TAF3: variants seen among roughly 807,000 people sequenced by gnomAD.
The protein encoded by TAF3 is TATA-box binding protein associated factor 3.
In TAF3, 7 loss-of-function variants were observed where a neutral mutation model predicts 80.6. The ratio of observed to expected loss-of-function variants is 0.09; its 90% CI spans 0.05 to 0.16. The LOEUF (loss-of-function observed/expected upper bound fraction) is 0.16, where lower values mean the gene tolerates loss of function less well. Ranked by LOEUF, TAF3 falls within the 10% of genes least tolerant of loss-of-function variation. The pLI is 1.00. For missense variants in TAF3, 921 were observed against 1,140.2 expected (o/e 0.81, Z 2.77); for synonymous variants, 444 against 446.1 (o/e 1.00, Z 0.06).
intron 4 of TAF3, among the ~76,000 whole-genome samples, chr10:7,991,601 T>TA (rs1272702870): frequency 3.9e-5 from 6 of 152,156 alleles, no homozygotes; most frequent in African/African-American, 1.4e-4. Flanking sequence ...TTTATACACA[T>TA]ACACACATGC....
At chr10:7,908,615 A>G (rs532687937) in intron 2 of TAF3, among the ~76,000 whole-genome samples, 1 of 152,370 alleles carries the variant, frequency 6.6e-6, no homozygotes, top group Non-Finnish European at 1.5e-5. Flanking sequence ...GAAGGAAAGT[A>G]GCACAGAGCT....
At chr10:7,922,408 C>G (rs1411880573) in intron 2 of TAF3, among the ~76,000 whole-genome samples, 1 of 152,064 alleles carries the variant, frequency 6.6e-6, no homozygotes, top group African/African-American at 2.4e-5. Flanking sequence ...TCCTCAATTT[C>G]TCCAAGCCTC....
At chr10:7,892,607 A>G (rs868782522) in intron 2 of TAF3, among the ~76,000 whole-genome samples, 1 of 152,344 alleles carries the variant, frequency 6.6e-6, no homozygotes, top group South Asian at 2.1e-4. Flanking sequence ...AAATTATAAA[A>G]TGAAAATATT....
At chr10:7,981,210 G>A (rs1831722514) in intron 4 of TAF3, among the ~76,000 whole-genome samples, 1 of 152,182 alleles carries the variant, frequency 6.6e-6, no homozygotes, top group African/African-American at 2.4e-5. Context: ...TTTCTCAAAC[G>A]TCTCTTTTGC....
chr10:7,841,630 T>C (rs1173075921), intron 2 of TAF3, among the ~76,000 whole-genome samples: 1 of 116,014 alleles, frequency 8.6e-6, no homozygotes, highest in Non-Finnish European at 1.8e-5. Flanking sequence ...TGATAAAGCT[T>C]GTGGTAGTCA....
chr10:7,993,128 G>A (rs1322973715), intron 4 of TAF3, among the ~76,000 whole-genome samples: 1 of 152,050 alleles, frequency 6.6e-6, no homozygotes, highest in Non-Finnish European at 1.5e-5. Flanking sequence ...ATCTCATAAG[G>A]ACTTGTAATC....
intron 2 of TAF3, among the ~76,000 whole-genome samples, chr10:7,864,754 G>C (rs946569263): frequency 6.6e-6 from 1 of 151,524 alleles, no homozygotes; most frequent in Non-Finnish European, 1.5e-5. Flanking sequence ...CCTGTGGTTT[G>C]CTTTTTCATT....
intron 2 of TAF3, among the ~76,000 whole-genome samples, chr10:7,918,823 A>G (rs1326272302): frequency 6.6e-6 from 1 of 152,202 alleles, no homozygotes; most frequent in Non-Finnish European, 1.5e-5. Flanking sequence ...AGGAAGAGGC[A>G]TAACCCTTTC....
intron 2 of TAF3, among the ~76,000 whole-genome samples, chr10:7,837,981 A>C (rs1026601145): frequency 5.3e-5 from 8 of 152,262 alleles, no homozygotes; most frequent in African/African-American, 1.9e-4. Flanking sequence ...CCATCAAATA[A>C]TTTATCCTTG....
At chr10:7,900,536 A>G (rs1265422173) in intron 2 of TAF3, among the ~76,000 whole-genome samples, 1 of 152,250 alleles carries the variant, frequency 6.6e-6, no homozygotes, top group Non-Finnish European at 1.5e-5. Flanking sequence ...CAAGAAAACA[A>G]GCACACACCA....
intron 2 of TAF3, among the ~76,000 whole-genome samples, chr10:7,935,445 G>T (rs1311284586): frequency 3.3e-5 from 5 of 151,918 alleles, no homozygotes; most frequent in African/African-American, 7.3e-5. Flanking sequence ...ATAGCCTGGC[G>T]TGGTGGCGGG....
At chr10:7,831,746 A>C (rs1836802745) in intron 2 of TAF3, among the ~76,000 whole-genome samples, 1 of 152,034 alleles carries the variant, frequency 6.6e-6, no homozygotes, top group African/African-American at 2.4e-5. Flanking sequence ...CATGACCCGA[A>C]TTGGCTTTGG....
chr10:7,882,715 A>C (rs1029469719), intron 2 of TAF3, among the ~76,000 whole-genome samples: 9 of 152,212 alleles, frequency 5.9e-5, no homozygotes, highest in African/African-American at 2.2e-4. Flanking sequence ...CAAGCTTTGC[A>C]AAGTGATCAC....
At chr10:7,849,238 A>G (rs1310421993) in intron 2 of TAF3, among the ~76,000 whole-genome samples, 1 of 152,170 alleles carries the variant, frequency 6.6e-6, no homozygotes, top group African/African-American at 2.4e-5. Flanking sequence ...GGTATGTTAG[A>G]AACTGGTAGA....
At chr10:7,953,261 A>G (rs1838101937) in intron 2 of TAF3, among the ~76,000 whole-genome samples, 1 of 152,202 alleles carries the variant, frequency 6.6e-6, no homozygotes, top group African/African-American at 2.4e-5. Flanking sequence ...AAATATTTTC[A>G]CAGCAACATT....
At chr10:7,832,266 G>A (rs923798504) in intron 2 of TAF3, among the ~76,000 whole-genome samples, 4 of 151,854 alleles carry the variant, frequency 2.6e-5, no homozygotes, top group South Asian at 2.1e-4. Context: ...GGTTCTTTTC[G>A]TCCACATATA....
chr10:7,958,819 T>A (rs1838161645), intron 2 of TAF3, among the ~76,000 whole-genome samples: 1 of 152,220 alleles, frequency 6.6e-6, no homozygotes, highest in South Asian at 2.1e-4. Flanking sequence ...ATCTTCACAC[T>A]TTTTCCTTTT....
At chr10:7,840,481 A>C (rs2131114286) in intron 2 of TAF3, among the ~76,000 whole-genome samples, 1 of 152,096 alleles carries the variant, frequency 6.6e-6, no homozygotes, top group Admixed American at 6.5e-5. Context: ...TATTTACTAT[A>C]AACACCAAAT....
At chr10:7,972,073 T>G (rs934450677) in intron 3 of TAF3, among the ~76,000 whole-genome samples, 1 of 152,224 alleles carries the variant, frequency 6.6e-6, no homozygotes, top group African/African-American at 2.4e-5. Flanking sequence ...AGTGCTGTTC[T>G]TTTATTTTAA....
Sources: gnomAD v4.1 joint callset for allele counts (sites outside exome capture counted in the v4.1 genomes callset) on GRCh38, gnomAD v4.1.1 for gene constraint, MANE v1.5 for transcripts, NCBI Gene and HGNC (gene_info 2026-07-23, HGNC 2026-07-21) for gene names.